VWF: variants seen among roughly 807,000 people sequenced by gnomAD.
VWF encodes von Willebrand factor.
A neutral mutation model predicts 308.6 loss-of-function variants in VWF; 176 were observed. The observed-to-expected ratio is 0.57, with a 90% CI of 0.50 to 0.65. VWF has a LOEUF of 0.65. Ranked by LOEUF, VWF falls within the 30% of genes least tolerant of loss-of-function variation. The probability of loss-of-function intolerance (pLI) is 0.00; values close to 1 mark genes in which losing one functional copy is unlikely to be tolerated. For missense variants in VWF, 3,146 were observed against 3,648.2 expected (o/e 0.86, Z 3.55); for synonymous variants, 1,385 against 1,443.4 (o/e 0.96, Z 0.92).
chr12:6,031,650 T>C, intron 20 of VWF, 72 bp from the exon 21 acceptor site: 1 of 1,610,904 alleles, frequency 6.2e-7, no homozygotes, highest in Non-Finnish European at 8.5e-7. Flanking sequence ...GATTGGCATC[T>C]CTTCATCACA....
At chr12:5,999,171 A>T (rs1286119216) in intron 34 of VWF, among the ~76,000 whole-genome samples, 1 of 152,228 alleles carries the variant, frequency 6.6e-6, no homozygotes. Context: ...GAGAGAAGAG[A>T]GTGGGCAGCA....
intron 20 of VWF, among the ~76,000 whole-genome samples, chr12:6,032,949 T>G (rs1269931774): frequency 1.3e-5 from 2 of 148,420 alleles, no homozygotes; most frequent in African/African-American, 5.0e-5. Context: ...TACACACACA[T>G]ACACCCATGT....
At chr12:6,107,119 C>T (rs763284656) in intron 5 of VWF, among the ~76,000 whole-genome samples, 3 of 152,068 alleles carry the variant, frequency 2.0e-5, no homozygotes, top group Non-Finnish European at 4.4e-5. Context: ...ATGGATTAAC[C>T]TCTCACGGAC....
intron 35 of VWF, among the ~76,000 whole-genome samples, chr12:5,995,550 A>G (rs1943799288): frequency 6.6e-6 from 1 of 152,116 alleles, no homozygotes; most frequent in African/African-American, 2.4e-5. Flanking sequence ...TTATATATAT[A>G]TATATCAGTT....
At chr12:6,011,584 A>C (rs1363631017) in intron 34 of VWF, 33 bp downstream of exon 34, 7 of 1,566,366 alleles carry the variant, frequency 4.5e-6, no homozygotes, top group Non-Finnish European at 6.1e-6. Flanking sequence ...TGCCCCTTTG[A>C]CGCTGCCCTG....
chr12:6,100,574 G>A (rs1945151652), intron 5 of VWF, among the ~76,000 whole-genome samples: 1 of 151,930 alleles, frequency 6.6e-6, no homozygotes, highest in Admixed American at 6.6e-5. Context: ...AAAAAAGGAT[G>A]AGTTCATGTC....
intron 34 of VWF, among the ~76,000 whole-genome samples, chr12:6,004,784 G>A (rs1312459448): frequency 6.6e-6 from 1 of 151,542 alleles, no homozygotes; most frequent in Non-Finnish European, 1.5e-5. Flanking sequence ...ATAATAAGTA[G>A]TTAAAGAACA....
At chr12:6,048,730 T>C (rs1429680449) in intron 16 of VWF, among the ~76,000 whole-genome samples, 1 of 152,254 alleles carries the variant, frequency 6.6e-6, no homozygotes, top group African/African-American at 2.4e-5. Context: ...CCCAAAGTGC[T>C]GGGATTACAG....
At position 6,019,711 on chromosome 12, in the gene VWF, G is replaced by C. The variant is rs756371665; in HGVS notation, c.3707C>G (p.Ala1236Gly). Residue 1236 changes from alanine (A) to glycine (G), a missense_variant, in exon 28 of 52, where the codon GCC becomes GGC. Physicochemically the swap from Ala to Gly is moderately conservative, Grantham distance 60. Coordinates refer to ENST00000261405, the MANE Select transcript of VWF (RefSeq NM_000552.5). This position sits in a 1 kb window ranked among gnomAD's most constrained non-coding sequence, Gnocchi z 5.8. Reference sequence around the variant, plus strand: ...CACCAGGCCTCCCGGCTCCTGGCAGGCTTCACAGGTGAGGTTGACAACATC... The same window carrying C: ...CACCAGGCCTCCCGGCTCCTGGCAGCCTTCACAGGTGAGGTTGACAACATC... ...HCDVVNLTCE[A>G]CQEPGGLVVP... 1.2e-6 allele frequency: 2 copies of C among 1,613,620 alleles called. No individual in the cohort carries two copies. Among genetic ancestry groups the C allele is most frequent in the Admixed American group, 1.7e-5 (1 of 59,980 alleles).
In VWF at chr12:6,075,389, T is replaced by C; in HGVS notation, c.820A>G (p.Thr274Ala). Residue 274 changes from threonine (T) to alanine (A), a missense_variant, in exon 7 of 52, where the codon ACC becomes GCC. Transcript: ENST00000261405. The surrounding 1 kb of genome is among the most constrained non-coding windows in gnomAD (Gnocchi z 4.7). The part of the protein sequence containing the change: ...ACPALLEYAR[T>A]CAQEGMVLYG... Reference sequence around the variant, plus strand: ...AGCACCATTCCCTCCTGGGCACAGGTCCGGGCGTACTCCAGGAGGGCAGGG... The same window carrying C: ...AGCACCATTCCCTCCTGGGCACAGGCCCGGGCGTACTCCAGGAGGGCAGGG... 1 of 1,613,916 alleles carries C rather than the reference T, an allele frequency of 6.2e-7. No homozygotes were observed. The highest frequency in any genetic ancestry group is 8.5e-7 in the Non-Finnish European group (1 of 1,179,968).
intron 47 of VWF, 75 bp downstream of exon 47, chr12:5,967,411 C>A (rs1943415510): frequency 9.0e-7 from 1 of 1,109,220 alleles, no homozygotes; most frequent in Admixed American, 1.7e-5. Context: ...TATTTAAAGA[C>A]CGCAGTGAGG....
Position 5,995,918 on chromosome 12 carries a change from A to G in VWF, c.6063+84T>C, listed in dbSNP as rs538796782. The G allele has an allele frequency of 2.6e-5, 34 of 1,320,968 alleles. No individual in the cohort carries two copies. The African/African-American group carries it at 4.6e-4, about 18-fold the overall frequency. The allele number at this position is 1,320,968 out of a possible 1,614,324, so 81.8% of individuals were successfully genotyped here. On this transcript the variant is annotated intron_variant, in intron 35 of 51. Transcript: ENST00000261405. The stretch of plus-strand genomic sequence containing the variant: ...AGGCAGAGCTCCTAACAAGAGCATC[A>G]ACTAAAAGCAACTGCCACCAGGTCC...
rs1246831960 is a variant in VWF, at chr12:6,023,740, G to A, written c.3270C>T (p.Ser1090=). 2 of 1,613,526 alleles carry A rather than the reference G, an allele frequency of 1.2e-6. No homozygotes were observed. Among genetic ancestry groups the A allele is most frequent in the East Asian group, 4.5e-5 (2 of 44,900 alleles). ...AGGCGCAGTCCCCAATGGACTCACA[G>A]GAGCAGGTGTCGTAAATGCAGACAT... ...YLDVCIYDTC[S]CESIGDCACF... is the part of the protein sequence containing the mutation. Residue 1090 remains serine (S), a synonymous_variant, in exon 25 of 52, where the codon TCC becomes TCT. Transcript: ENST00000261405.
At chr12:6,071,484 T>A (rs1474292177) in intron 9 of VWF, 141 bp from the exon 10 acceptor site, 2 of 936,734 alleles carry the variant, frequency 2.1e-6, no homozygotes, top group African/African-American at 3.2e-5. Flanking sequence ...AGCAGAATCT[T>A]CATAGGGTTA....
rs216899 is a variant in VWF, at chr12:5,993,649, G to A, written c.6598+213C>T. On this transcript the variant is annotated intron_variant, in intron 37 of 51. Coordinates refer to ENST00000261405, the MANE Select transcript of VWF (RefSeq NM_000552.5). ...TACATATATATGTGTGTGTGTGTGTGTATATATATATATATACACACACAC... is the reference window on the plus strand; with the variant it reads ...TACATATATATGTGTGTGTGTGTGTATATATATATATATATACACACACAC... Among the ~76,000 whole-genome samples, 27,342 of 137,874 alleles carry A rather than the reference G, an allele frequency of 0.2. 2,719 individuals are homozygous for A. Among genetic ancestry groups the A allele is most frequent in the South Asian group, 0.24 (1,054 of 4,378 alleles). The allele number at this position is 137,874 out of a possible 152,430, so 90.5% of individuals were successfully genotyped here.
rs372588372 is a variant in VWF at position 6,029,396 on chromosome 12, G to A, written c.2913C>T (p.Ser971=). Residue 971 remains serine, a synonymous_variant, in exon 22 of 52, where the codon TCC becomes TCT. Transcript: ENST00000261405. Reference sequence around the variant, plus strand: ...TGCTCAGGTGGCGGTCCCAGACCACGGAGAGGGCTTTGCCCAGCAGCAGAA... The same window carrying A: ...TGCTCAGGTGGCGGTCCCAGACCACAGAGAGGGCTTTGCCCAGCAGCAGAA... The part of the protein sequence containing the change: ...YIILLLGKAL[S]VVWDRHLSIS... The A allele has an allele frequency of 1.0e-4, 164 of 1,613,962 alleles. 1 individual carries two copies. The highest frequency in any genetic ancestry group is 1.2e-4 in the Non-Finnish European group (147 of 1,180,026).
intron 10 of VWF, among the ~76,000 whole-genome samples, chr12:6,066,444 G>A (rs1944715327): frequency 6.6e-6 from 1 of 152,232 alleles, no homozygotes; most frequent in Non-Finnish European, 1.5e-5. Flanking sequence ...TTTGGTGAAG[G>A]AGGAAGACTT....
chr12:5,968,168 CT>C lies in VWF; in HGVS notation c.7730-2del, dbSNP rs1055962685. The stretch of plus-strand genomic sequence containing the variant: ...TTGAGCATGCAGGCCTCCATGCGCT[CT>C]GGGGGAGAGAAAAGTGCAGAGTGAG... On this transcript the variant is annotated splice_acceptor_variant, in intron 45 of 51. Transcript: ENST00000261405. LOFTEE classifies it high-confidence loss of function. 6.2e-7 allele frequency: 1 copy of C among 1,613,958 alleles called. No individual in the cohort carries two copies. Among genetic ancestry groups the C allele is most frequent in the African/African-American group, 1.3e-5 (1 of 74,942 alleles).
intron 15 of VWF, among the ~76,000 whole-genome samples, chr12:6,055,135 C>A (rs1347871033): frequency 2.0e-5 from 3 of 152,166 alleles, no homozygotes; most frequent in African/African-American, 7.2e-5. Flanking sequence ...GAAGCATCAG[C>A]CCATTTCCCC....
Sources: gnomAD v4.1 joint callset for allele counts (sites outside exome capture counted in the v4.1 genomes callset) on GRCh38, gnomAD v4.1.1 for gene constraint, Gnocchi (gnomAD v3.1) non-coding constraint, MANE v1.5 for transcripts, NCBI Gene and HGNC (gene_info 2026-07-23, HGNC 2026-07-21) for gene names.